FRMPD4: variants seen among roughly 807,000 people sequenced by gnomAD.
FRMPD4 encodes the protein FERM and PDZ domain containing 4, also known as FERM and PDZ domain-containing protein 4.
Under a neutral mutation model 94.1 loss-of-function variants are expected in FRMPD4, and 22 were observed. That is an observed-to-expected ratio of 0.23 (90% CI 0.17 to 0.33). FRMPD4 has a LOEUF of 0.33. Ranked by LOEUF, FRMPD4 falls within the 10% of genes least tolerant of loss-of-function variation. The probability of loss-of-function intolerance (pLI) is 1.00; values close to 1 mark genes in which losing one functional copy is unlikely to be tolerated. For missense variants in FRMPD4, 1,111 were observed against 1,339.9 expected, an observed-to-expected ratio of 0.83 and a Z score of 2.67; for synonymous variants, 631 against 548.6, an observed-to-expected ratio of 1.15 and a Z score of -2.10.
At chrX:12,560,477 G>GAAA (rs199808235) in intron 2 of FRMPD4, among the ~76,000 whole-genome samples, 4 of 82,862 alleles carry the variant, frequency 4.8e-5, no homozygotes, top group Admixed American at 1.4e-4. Context: ...CTTTAAAAAT[G>GAAA]AAAAAAAAAA....
intron 2 of FRMPD4, among the ~76,000 whole-genome samples, chrX:12,502,063 A>G (rs2057927577): frequency 8.9e-6 from 1 of 112,205 alleles, no homozygotes; most frequent in Non-Finnish European, 1.9e-5. Context: ...TAGACTGAGG[A>G]TCAGTAAAAA....
intron 3 of FRMPD4, among the ~76,000 whole-genome samples, chrX:12,052,897 C>G (rs1476988580): frequency 9.0e-6 from 1 of 111,607 alleles, no homozygotes; most frequent in Non-Finnish European, 1.9e-5. Flanking sequence ...ACCAAGCTAT[C>G]AAGGAAGGTT....
intron 3 of FRMPD4, among the ~76,000 whole-genome samples, chrX:11,888,625 C>T (rs938982770): frequency 9.0e-6 from 1 of 111,390 alleles, no homozygotes; most frequent in Non-Finnish European, 1.9e-5. Context: ...ACAGGCATAC[C>T]TTGGAGATAT....
intron 2 of FRMPD4, among the ~76,000 whole-genome samples, chrX:12,542,476 C>T (rs2058426287): frequency 1.8e-5 from 2 of 111,987 alleles, no homozygotes; most frequent in Admixed American, 9.5e-5. Context: ...AGTGAACTCC[C>T]ATTCACAATT....
At chrX:12,553,194 G>GAAAGAA (rs1569332605) in intron 2 of FRMPD4, among the ~76,000 whole-genome samples, 1 of 62,407 alleles carries the variant, frequency 1.6e-5, no homozygotes, top group African/African-American at 4.9e-5. Context: ...GAAAGAAAGA[G>GAAAGAA]AGAGAGAAAG....
intron 1 of FRMPD4, among the ~76,000 whole-genome samples, chrX:12,436,016 CTTTTT>C (rs1392751691): frequency 9.0e-6 from 1 of 110,992 alleles, no homozygotes; most frequent in Admixed American, 9.6e-5. Context: ...CTTTTATTTT[CTTTTT>C]TTGAGACAGA....
rs1046882976 is a variant in FRMPD4, at chrX:12,559,718, A to G, written c.159-50003A>G. Among the ~76,000 whole-genome samples the G allele has an allele frequency of 4.5e-5, 5 of 111,147 alleles. 1 individual carries two copies. The highest frequency in any genetic ancestry group is 1.9e-4 in the Admixed American group (2 of 10,523). On this transcript the variant is annotated intron_variant, in intron 2 of 16. Coordinates refer to ENST00000675598, the MANE Select transcript of FRMPD4 (RefSeq NM_001368397.1). ...CAACCTTCCTTAAATAAATATTAAC[A>G]TAATAAAATATTTTTATTTAATAAA...
At chrX:12,332,409 G>T (rs972694412) in intron 1 of FRMPD4, among the ~76,000 whole-genome samples, 1 of 108,289 alleles carries the variant, frequency 9.2e-6, no homozygotes, top group African/African-American at 3.3e-5. Flanking sequence ...TGATTTTCCT[G>T]GTTTCCAAAG....
chrX:12,501,670 T>C (rs2057923114), intron 2 of FRMPD4, among the ~76,000 whole-genome samples: 1 of 111,807 alleles, frequency 8.9e-6, no homozygotes, highest in South Asian at 3.7e-4. Context: ...GTTTTCTTTT[T>C]TTTATCTCGT....
Position 12,717,029 on chromosome X carries a change from C to T in FRMPD4, c.2570C>T (p.Ala857Val). Residue 857 changes from alanine (A) to valine (V), a missense_variant, in exon 15 of 17, where the codon GCC becomes GTC. This residue lies in a region of FRMPD4 where 74 missense variants were observed against 93.9 expected (regional missense o/e 0.79). Transcript: ENST00000675598. ...VSLIDAVPTS[A>V]EGKCEKGLDN... is the part of the protein sequence containing the mutation. ...CTCATTGACGCTGTGCCCACCAGCG[C>T]CGAAGGCAAGTGTGAGAAGGGACTG... 1 of 1,209,605 alleles carries T rather than the reference C, an allele frequency of 8.3e-7. No homozygotes were observed. The highest frequency in any genetic ancestry group is 1.7e-5 in the African/African-American group (1 of 57,877).
At chrX:12,683,437 G>T in intron 5 of FRMPD4, 46 bp from the exon 6 acceptor site, 1 of 668,205 alleles carries the variant, frequency 1.5e-6, no homozygotes, top group South Asian at 2.5e-5. Flanking sequence ...TACAAGGTTT[G>T]CATTATGTTA....
rs764352323 is a variant in FRMPD4, at chrX:12,637,703, T to C, written c.422+22822T>C. 3.6e-5 allele frequency among the ~76,000 whole-genome samples: 4 copies of C among 110,795 alleles called. No homozygotes were observed. The South Asian group carries it at 1.6e-3, about 43-fold the overall frequency. ...TCTTAAAAAAAAAAATCATTTGAGATAGTTCCCCTATGTGACACTCTGCTA... is the reference window on the plus strand; with the variant it reads ...TCTTAAAAAAAAAAATCATTTGAGACAGTTCCCCTATGTGACACTCTGCTA... On this transcript the variant is annotated intron_variant, in intron 4 of 16. Coordinates refer to ENST00000675598, the MANE Select transcript of FRMPD4 (RefSeq NM_001368397.1).
chrX:12,449,200 C>T (rs1293243498), intron 1 of FRMPD4, among the ~76,000 whole-genome samples: 1 of 112,244 alleles, frequency 8.9e-6, no homozygotes, highest in Non-Finnish European at 1.9e-5. Flanking sequence ...TAAACAAATA[C>T]TGGATTTAGC....
intron 1 of FRMPD4, among the ~76,000 whole-genome samples, chrX:12,328,810 G>C (rs781375369): frequency 5.4e-5 from 6 of 111,603 alleles, no homozygotes; most frequent in African/African-American, 2.0e-4. Context: ...ATCTTCAGGA[G>C]GGAACCTCAT....
chrX:11,865,979 C>G (rs2053716522), intron 2 of FRMPD4, among the ~76,000 whole-genome samples: 1 of 111,901 alleles, frequency 8.9e-6, no homozygotes, highest in African/African-American at 3.2e-5. Context: ...TTTTAAAGGT[C>G]TAATTGGCTT....
At chrX:12,324,526 AT>A (rs910084529) in intron 1 of FRMPD4, among the ~76,000 whole-genome samples, 39 of 112,165 alleles carry the variant, frequency 3.5e-4, no homozygotes, top group African/African-American at 9.0e-4. Flanking sequence ...TTTTAACATT[AT>A]TTTAATGCAT....
chrX:11,974,180 C>A (rs1202928851), intron 3 of FRMPD4, among the ~76,000 whole-genome samples: 1 of 110,892 alleles, frequency 9.0e-6, no homozygotes, highest in Non-Finnish European at 1.9e-5. Context: ...AAATCTGATC[C>A]CCAATATTGG....
At chrX:12,276,577 G>A (rs2054440804) in intron 1 of FRMPD4, among the ~76,000 whole-genome samples, 1 of 111,995 alleles carries the variant, frequency 8.9e-6, no homozygotes, top group African/African-American at 3.3e-5. Flanking sequence ...GAGCCTCCAG[G>A]TATCCTGCTT....
chrX:12,118,098 T>C (rs1254395791), intron 3 of FRMPD4, among the ~76,000 whole-genome samples: 2 of 112,049 alleles, frequency 1.8e-5, no homozygotes, highest in Non-Finnish European at 3.8e-5. Flanking sequence ...AAAAAGTTTT[T>C]AAAAATTATT....
Sources: gnomAD v4.1 joint callset for allele counts (sites outside exome capture counted in the v4.1 genomes callset) on GRCh38, gnomAD v4.1.1 for gene constraint, gnomAD v4.1.1 regional missense constraint, MANE v1.5 for transcripts, NCBI Gene and HGNC (gene_info 2026-07-23, HGNC 2026-07-21) for gene names.